The following EZR variants were observed in gnomAD, a reference collection of about 807,000 sequenced individuals.
The protein encoded by EZR is cytovillin 2.
EZR carries 40 observed loss-of-function variants against 74.8 expected under a neutral mutation model. The observed-to-expected ratio is 0.53, with a 90% CI of 0.42 to 0.70. The LOEUF (loss-of-function observed/expected upper bound fraction) is 0.70. Among genes scored for constraint, EZR ranks in the 30% least tolerant of loss-of-function variants. The pLI is 0.00. For missense variants in EZR, 678 were observed against 755.8 expected, an observed-to-expected ratio of 0.90 and a Z score of 1.21; for synonymous variants, 341 against 283.3, an observed-to-expected ratio of 1.20 and a Z score of -2.05.
intron 12 of EZR, 68 bp from the exon 13 acceptor site, chr6:158,767,580 A>C: frequency 6.7e-7 from 1 of 1,481,546 alleles, no homozygotes; most frequent in Non-Finnish European, 9.0e-7. Flanking sequence ...ATGAGAACAG[A>C]CTGTCACCTC....
chr6:158,798,569 G>A (rs577699376), intron 2 of EZR, among the ~76,000 whole-genome samples: 1 of 151,158 alleles, frequency 6.6e-6, no homozygotes, highest in South Asian at 2.1e-4. Context: ...GGCTGGCTCA[G>A]CTCTGCTTCA....
At chr6:158,796,804 T>C (rs904440461) in intron 2 of EZR, among the ~76,000 whole-genome samples, 2 of 152,230 alleles carry the variant, frequency 1.3e-5, no homozygotes, top group Non-Finnish European at 2.9e-5. Flanking sequence ...TCACAGATTG[T>C]TCTGCCCACA....
At chr6:158,814,426 G>A (rs574322568) in intron 2 of EZR, among the ~76,000 whole-genome samples, 3 of 151,564 alleles carry the variant, frequency 2.0e-5, no homozygotes, top group South Asian at 2.1e-4. Flanking sequence ...AGCACTTAGC[G>A]GGTTTTCAAT....
intron 2 of EZR, among the ~76,000 whole-genome samples, chr6:158,805,208 G>A (rs1035890765): frequency 2.6e-5 from 4 of 151,760 alleles, no homozygotes; most frequent in African/African-American, 4.8e-5. Flanking sequence ...GCATGGTGGC[G>A]TGTGCCTGCA....
intron 11 of EZR, 64 bp downstream of exon 11, chr6:158,769,720 C>T (rs1315098240): frequency 6.3e-7 from 1 of 1,588,286 alleles, no homozygotes; most frequent in African/African-American, 1.3e-5. Flanking sequence ...GCAGGTGTCA[C>T]ATTTTCCATC....
intron 2 of EZR, among the ~76,000 whole-genome samples, chr6:158,794,088 C>A (rs1432495303): frequency 6.6e-6 from 1 of 152,190 alleles, no homozygotes; most frequent in South Asian, 2.1e-4. Context: ...ACCGGCCTGG[C>A]CAACACAGTG....
chr6:158,775,034 CT>C (rs397732491), intron 8 of EZR, among the ~76,000 whole-genome samples: 1,489 of 121,488 alleles, frequency 0.012, 9 homozygotes, highest in East Asian at 0.047. Flanking sequence ...AGCAGGAGCC[CT>C]TTTTTTTTTT....
chr6:158,791,705 C>CTTTTTTTTT (rs1562499412), intron 2 of EZR, among the ~76,000 whole-genome samples: 7 of 62,574 alleles, frequency 1.1e-4, no homozygotes, highest in East Asian at 2.6e-4. Context: ...TTTCAGACTC[C>CTTTTTTTTT]ATTTTTTTTT....
chr6:158,772,617 G>A (rs1791149196), intron 8 of EZR, among the ~76,000 whole-genome samples: 1 of 152,208 alleles, frequency 6.6e-6, no homozygotes, highest in Admixed American at 6.5e-5. Flanking sequence ...TTGGGACACA[G>A]CTGACAATCT....
At chr6:158,812,555 CA>C in intron 2 of EZR, among the ~76,000 whole-genome samples, 1 of 152,144 alleles carries the variant, frequency 6.6e-6, no homozygotes, top group Non-Finnish European at 1.5e-5. Context: ...ACGGTGTGTA[CA>C]TATACTAGGG....
chr6:158,779,334 G>C (rs1401178982), intron 7 of EZR, among the ~76,000 whole-genome samples: 1 of 152,124 alleles, frequency 6.6e-6, no homozygotes, highest in East Asian at 1.9e-4. Flanking sequence ...AGGAGACAGG[G>C]AGGTCTGACA....
chr6:158,767,122 T>TGGCCC (rs1448998804), intron 13 of EZR, 44 bp from the exon 14 acceptor site: 7 of 1,609,086 alleles, frequency 4.4e-6, no homozygotes, highest in Admixed American at 1.7e-5. Flanking sequence ...CCTCCCCATA[T>TGGCCC]GGCCCGGCCC....
intron 6 of EZR, 62 bp from the exon 7 acceptor site, chr6:158,783,728 A>G: frequency 1.3e-6 from 2 of 1,532,010 alleles, no homozygotes; most frequent in Admixed American, 3.6e-5. Context: ...GAACAGTAAA[A>G]CCTTTCCAGT....
intron 2 of EZR, among the ~76,000 whole-genome samples, chr6:158,797,067 G>A (rs1777089095): frequency 6.6e-6 from 1 of 152,032 alleles, no homozygotes; most frequent in African/African-American, 2.4e-5. Flanking sequence ...AATAAATATA[G>A]GTATGCAATT....
chr6:158,804,161 CT>C (rs756907022), intron 2 of EZR, among the ~76,000 whole-genome samples: 3 of 151,476 alleles, frequency 2.0e-5, no homozygotes, highest in Non-Finnish European at 4.4e-5. Context: ...TTTTAAGGCC[CT>C]TTTTGGTGAG....
At chr6:158,769,721 A>T in intron 11 of EZR, 63 bp downstream of exon 11, 1 of 1,591,692 alleles carries the variant, frequency 6.3e-7, no homozygotes, top group African/African-American at 1.3e-5. Flanking sequence ...CAGGTGTCAC[A>T]TTTTCCATCC....
intron 8 of EZR, among the ~76,000 whole-genome samples, chr6:158,772,412 AG>A (rs1174429079): frequency 6.6e-6 from 1 of 152,250 alleles, no homozygotes; most frequent in Non-Finnish European, 1.5e-5. Context: ...CAATCCTCCC[AG>A]CAGTCCCATT....
At chr6:158,770,093 TCA>T (rs1252964059) in intron 10 of EZR, 149 bp from the exon 11 acceptor site, 15 of 1,042,654 alleles carry the variant, frequency 1.4e-5, no homozygotes, top group African/African-American at 1.1e-4. Context: ...GGAAAGCACT[TCA>T]CAGAGCTCAT....
Position 158,783,599 on chromosome 6 carries a change from C to T in EZR, c.619G>A (p.Glu207Lys), listed in dbSNP as rs1470255410. 4.3e-6 allele frequency: 7 copies of T among 1,613,554 alleles called. No homozygotes were observed. The highest frequency in any genetic ancestry group is 4.5e-5 in the East Asian group (2 of 44,898). The change falls in exon 7 of 14, where the codon GAG becomes AAG. Residue 207 changes from glutamate (E) to lysine (K), a missense_variant. Coordinates refer to ENST00000367075, the MANE Select transcript of EZR (RefSeq NM_001111077.2). ...TCTGTTCCTTTCTTGTTTTTTATCTCGAAATAGTTGATTCCATACATTTCC... is the reference window on the plus strand; with the variant it reads ...TCTGTTCCTTTCTTGTTTTTTATCTTGAAATAGTTGATTCCATACATTTCC... ...DLEMYGINYF[E>K]IKNKKGTDLW...
Sources: gnomAD v4.1 joint callset for allele counts (sites outside exome capture counted in the v4.1 genomes callset) on GRCh38, gnomAD v4.1.1 for gene constraint, MANE v1.5 for transcripts, NCBI Gene and HGNC (gene_info 2026-07-23, HGNC 2026-07-21) for gene names.